PSG9: variants seen among roughly 807,000 people sequenced by gnomAD.
PSG9 encodes the protein pregnancy-specific beta-1-glycoprotein 9.
In PSG9, 49 loss-of-function variants were observed where a neutral mutation model predicts 41.9. The observed-to-expected ratio is 1.17, with a 90% CI of 0.93 to 1.48. PSG9 has a LOEUF of 1.48. PSG9 is among the 40% of genes most tolerant of loss of function. PSG9 has a pLI of 0.00. For synonymous variants in PSG9, 263 were observed against 196.8 expected (o/e 1.34, Z -2.82); for missense variants, 641 against 520.3 (o/e 1.23, Z -2.26).
chr19:43,261,574 C>G (rs1316840270), intron 3 of PSG9, among the ~76,000 whole-genome samples: 1 of 152,188 alleles, frequency 6.6e-6, no homozygotes, highest in Non-Finnish European at 1.5e-5. Context: ...GAAGTCCCAG[C>G]CAAATCCCTG....
In PSG9 at chr19:43,262,020, A is replaced by G; in HGVS notation, c.549T>C (p.Asn183=). The part of the protein sequence containing the change: ...TLDASYLWWM[N]GQSLPVTHRL... ...TGTGAGTCACAGGGAGGCTCTGACCATTCATCCACCATAGGTAGCTTGCGT... is the reference window on the plus strand; with the variant it reads ...TGTGAGTCACAGGGAGGCTCTGACCGTTCATCCACCATAGGTAGCTTGCGT... The change falls in exon 3 of 6, where the codon AAT becomes AAC. Residue 183 remains asparagine, a synonymous_variant. Coordinates refer to ENST00000270077, the MANE Select transcript of PSG9 (RefSeq NM_002784.5). 2.5e-6 allele frequency: 4 copies of G among 1,614,022 alleles called. No homozygotes were observed. The highest frequency in any genetic ancestry group is 1.7e-6 in the Non-Finnish European group (2 of 1,179,916).
At chr19:43,267,680 T>A in intron 2 of PSG9, 104 bp downstream of exon 2, 3 of 1,561,236 alleles carry the variant, frequency 1.9e-6, no homozygotes, top group South Asian at 1.1e-5. Flanking sequence ...TGGGACATAA[T>A]GCAGAGAGTG....
At chr19:43,267,285 C>G (rs1038668284) in intron 2 of PSG9, among the ~76,000 whole-genome samples, 3 of 152,088 alleles carry the variant, frequency 2.0e-5, no homozygotes, top group African/African-American at 7.2e-5. Flanking sequence ...AGTCCTCAGA[C>G]AGCTGGTAAA....
chr19:43,268,295 G>C (rs527291353), intron 1 of PSG9, 146 bp from the exon 2 acceptor site: 3 of 1,296,246 alleles, frequency 2.3e-6, no homozygotes, highest in Non-Finnish European at 3.2e-6. Context: ...CACAAAAAAC[G>C]GGCATGTGTG....
chr19:43,264,072 G>T (rs1001676970), intron 2 of PSG9, among the ~76,000 whole-genome samples: 1 of 151,984 alleles, frequency 6.6e-6, no homozygotes, highest in Non-Finnish European at 1.5e-5. Flanking sequence ...CCAATGGCTC[G>T]TGTGTCTCCC....
At chr19:43,262,251 AG>A (rs1368101421) in intron 2 of PSG9, 113 bp from the exon 3 acceptor site, 1 of 1,514,810 alleles carries the variant, frequency 6.6e-7, no homozygotes, top group Non-Finnish European at 8.8e-7. Flanking sequence ...AGTCCTTAAA[AG>A]CCCATGGCAG....
chr19:43,265,821 A>G (rs972568498), intron 2 of PSG9, among the ~76,000 whole-genome samples: 4 of 152,140 alleles, frequency 2.6e-5, no homozygotes, highest in Admixed American at 2.6e-4. Context: ...TGACAAAGGG[A>G]AAGAGCCATG....
chr19:43,269,327 G>A lies in PSG9; in HGVS notation c.64+41C>T, dbSNP rs371905704. 6.5e-5 allele frequency: 105 copies of A among 1,612,502 alleles called. No homozygotes were observed. The Admixed American group carries it at 6.7e-4, about 10-fold the overall frequency. ...CCAGGAGACCCCATCCAGTCACTCC[G>A]CTTCCTCCCCCTGTCCTCTCCCAGG... is the stretch of plus-strand genomic sequence containing the variant. On this transcript the variant is annotated intron_variant, in intron 1 of 5. Coordinates refer to ENST00000270077, the MANE Select transcript of PSG9 (RefSeq NM_002784.5).
rs768752547 is a variant in PSG9 at position 43,258,281 on chromosome 19, A to G, written c.1164T>C (p.His388=). Residue 388 remains histidine (H), a synonymous_variant, in exon 5 of 6, where the codon CAT becomes CAC. Coordinates refer to ENST00000270077, the MANE Select transcript of PSG9 (RefSeq NM_002784.5). ...GAACAGAGCAAGCATAGAGCCCGCT[A>G]TGATTTCTAGTAATTTGGGGGATAA... The part of the protein sequence containing the change: ...KLFIPQITRN[H]SGLYACSVHN... The G allele has an allele frequency of 3.1e-6, 5 of 1,592,750 alleles. 1 individual carries two copies. The highest frequency in any genetic ancestry group is 3.4e-5 in the Admixed American group (2 of 58,692).
chr19:43,261,837 A>G, intron 3 of PSG9, 23 bp downstream of exon 3: 1 of 1,614,064 alleles, frequency 6.2e-7, no homozygotes, highest in Non-Finnish European at 8.5e-7. Context: ...AGCCTGGCTC[A>G]CAGAGGAACA....
chr19:43,257,746 G>A (rs2049087092), intron 5 of PSG9: 1 of 1,222,858 alleles, frequency 8.2e-7, no homozygotes, highest in Non-Finnish European at 1.0e-6. Context: ...AGTCTGAGCT[G>A]CTCCTCCCTC....
rs757680410 is a variant in PSG9, at chr19:43,258,906, C to T, written c.939G>A (p.Arg313=). The change falls in exon 4 of 6, where the codon CGG becomes CGA. Residue 313 remains arginine, a synonymous_variant. Coordinates refer to ENST00000270077, the MANE Select transcript of PSG9 (RefSeq NM_002784.5). Reference sequence around the variant, plus strand: ...TACTGCGGAGGCCACCATATCGGTCCCGTATTTCACATTGATAGGGTCCTG... The same window carrying T: ...TACTGCGGAGGCCACCATATCGGTCTCGTATTTCACATTGATAGGGTCCTG... ...NETGPYQCEI[R]DRYGGLRSNP... is the part of the protein sequence containing the mutation. 15 of 1,588,602 alleles carry T rather than the reference C, an allele frequency of 9.4e-6. 1 individual carries two copies. The highest frequency in any genetic ancestry group is 1.3e-5 in the Non-Finnish European group (15 of 1,173,520).
intron 2 of PSG9, among the ~76,000 whole-genome samples, chr19:43,265,439 A>G (rs1161271073): frequency 1.3e-5 from 2 of 152,118 alleles, no homozygotes; most frequent in East Asian, 3.9e-4. Context: ...CATACCTATG[A>G]CTAATGGCTC....
rs371768798 is a variant in PSG9 at position 43,269,350 on chromosome 19, A to C, written c.64+18T>G. ...CCGCTTCCTCCCCCTGTCCTCTCCC[A>C]GGAAGTTCTCTCCTCACCTGTGAGC... On this transcript the variant is annotated intron_variant, in intron 1 of 5. Coordinates refer to ENST00000270077, the MANE Select transcript of PSG9 (RefSeq NM_002784.5). The C allele has an allele frequency of 8.1e-6, 13 of 1,613,174 alleles. No homozygotes were observed. Among genetic ancestry groups the C allele is most frequent in the Admixed American group, 1.7e-5 (1 of 59,964 alleles).
rs376997270 is a variant in PSG9, at chr19:43,265,924, T to C, written c.430+1860A>G. ...GAGTGGCAACTCCAGGTGATTTCTG[T>C]GCCTTTCCTATTTCCTGGGAGGTGG... On this transcript the variant is annotated intron_variant, in intron 2 of 5. Transcript: ENST00000270077. 1.6e-4 allele frequency among the ~76,000 whole-genome samples: 24 copies of C among 152,204 alleles called. 1 individual carries two copies. Among genetic ancestry groups the C allele is most frequent in the African/African-American group, 4.1e-4 (17 of 41,530 alleles).
rs1246185798 is a variant in PSG9 at position 43,259,022 on chromosome 19, G to A, written c.823C>T (p.Leu275=). Residue 275 remains leucine (L), a synonymous_variant, in exon 4 of 6, where the codon CTA becomes TTA. Transcript: ENST00000270077. ...CTGACGGGGAGGCTCTGACCGTTTA[G>A]CCACCAAATGTAGGTGTAGTTCTCA... ...KSENYTYIWW[L]NGQSLPVSPG... is the part of the protein sequence containing the mutation. 15 of 1,590,836 alleles carry A rather than the reference G, an allele frequency of 9.4e-6. 1 individual carries two copies. The highest frequency in any genetic ancestry group is 1.3e-5 in the Non-Finnish European group (15 of 1,174,498).
At chr19:43,266,646 A>G (rs1440113461) in intron 2 of PSG9, among the ~76,000 whole-genome samples, 1 of 152,044 alleles carries the variant, frequency 6.6e-6, no homozygotes, top group South Asian at 2.1e-4. Flanking sequence ...GTTCTGGAAT[A>G]CAGACTAATC....
intron 5 of PSG9, 83 bp downstream of exon 5, chr19:43,258,118 TA>T (rs1166252674): frequency 6.3e-7 from 1 of 1,590,336 alleles, no homozygotes; most frequent in African/African-American, 1.4e-5. Context: ...AGGCTGGGAA[TA>T]AAAATGTTTT....
chr19:43,262,854 C>G (rs1385261943), intron 2 of PSG9, among the ~76,000 whole-genome samples: 1 of 152,156 alleles, frequency 6.6e-6, no homozygotes, highest in African/African-American at 2.4e-5. Flanking sequence ...AGCTTTCGAC[C>G]AAGACCATGT....
Sources: allele counts gnomAD v4.1 joint callset (sites outside exome capture counted in the v4.1 genomes callset), GRCh38; gene constraint gnomAD v4.1.1; transcripts MANE v1.5; gene names NCBI Gene and HGNC (gene_info 2026-07-23, HGNC 2026-07-21).